The following SCNM1 variants were observed in gnomAD, a reference collection of about 807,000 sequenced individuals.
SCNM1 encodes sodium channel modifier 1.
SCNM1 carries 24 observed loss-of-function variants against 32.8 expected under a neutral mutation model. The observed-to-expected ratio is 0.73, with a 90% CI of 0.53 to 1.03. SCNM1 has a LOEUF of 1.03. Ranked by LOEUF, SCNM1 falls within the 50% of genes least tolerant of loss-of-function variation. The pLI is 0.00. For synonymous variants in SCNM1, 99 were observed against 103.2 expected, an observed-to-expected ratio of 0.96 and a Z score of 0.25; for missense variants, 274 against 282.3, an observed-to-expected ratio of 0.97 and a Z score of 0.21.
chr1:151,166,597 C>T, intron 2 of SCNM1, 56 bp downstream of exon 2: 1 of 1,320,016 alleles, frequency 7.6e-7, no homozygotes, highest in Admixed American at 2.4e-5. Flanking sequence ...GCTCAATAGA[C>T]TTTTTTTTTT....
At chr1:151,166,603 T>G in intron 2 of SCNM1, 62 bp downstream of exon 2, 7 of 1,568,930 alleles carry the variant, frequency 4.5e-6, no homozygotes, top group Non-Finnish European at 6.0e-6. Context: ...TAGACTTTTT[T>G]TTTTTTTTCC....
In SCNM1 at chr1:151,168,172, C is replaced by G; in HGVS notation, c.427C>G (p.Leu143Val). 2 of 1,613,986 alleles carry G rather than the reference C, an allele frequency of 1.2e-6. No homozygotes were observed. Among genetic ancestry groups the G allele is most frequent in the Non-Finnish European group, 1.7e-6 (2 of 1,179,928 alleles). ...AGAAGCCCCTGGTCCCTCTGTCTCC[C>G]TTTCCCCTATGCCACCCTCAGAGGT... ...RPEAPGPSVS[L>V]SPMPPSEVKL... is the part of the protein sequence containing the mutation. Residue 143 changes from leucine to valine, a missense_variant, in exon 6 of 7, where the codon CTT (leucine) becomes GTT (valine). Transcript: ENST00000368905.
Position 151,170,142 on chromosome 1 carries a change from G to A in SCNM1, c.*1057G>A. The A allele has an allele frequency of 1.2e-6, 2 of 1,613,578 alleles. No homozygotes were observed. Among genetic ancestry groups the A allele is most frequent in the Non-Finnish European group, 1.7e-6 (2 of 1,179,594 alleles). On this transcript the variant is annotated 3_prime_UTR_variant, in exon 7 of 7. Coordinates refer to ENST00000368905, the MANE Select transcript of SCNM1 (RefSeq NM_024041.4). ...ATATTAAACATAAGTGTTTGTTCCA[G>A]CTCCTGCTTTCTGCAAAGGCACTCT... is the stretch of plus-strand genomic sequence containing the variant.
At chr1:151,166,725 C>A (rs920498909) in intron 2 of SCNM1, 184 bp downstream of exon 2, 3 of 1,233,248 alleles carry the variant, frequency 2.4e-6, no homozygotes, top group Admixed American at 5.4e-5. Context: ...CATGCCACCA[C>A]GCCTGGCTTC....
rs1683791696 is a variant in SCNM1 at position 151,168,079 on chromosome 1, T to C, written c.399-65T>C. The C allele has an allele frequency of 3.0e-5, 45 of 1,481,938 alleles. 1 individual carries two copies. Among genetic ancestry groups the C allele is most frequent in the Admixed American group, 6.8e-5 (3 of 44,428 alleles). 91.8% of individuals were successfully genotyped at this position (1,481,938 alleles called of 1,614,324 possible). A position where few individuals can be genotyped will look rare whatever the true frequency, so the allele number is the denominator to read the frequency against. On this transcript the variant is annotated intron_variant, in intron 5 of 6. Coordinates refer to ENST00000368905, the MANE Select transcript of SCNM1 (RefSeq NM_024041.4). The stretch of plus-strand genomic sequence containing the variant: ...GTTTAAGAAGCACTGTTTTAAGAGG[T>C]TGGGAGTCATAGGAGAGTTGGCCCT...
Position 151,168,993 on chromosome 1 carries a change from T to C in SCNM1, c.601T>C (p.Trp201Arg). 1 of 1,613,970 alleles carries C rather than the reference T, an allele frequency of 6.2e-7. No individual in the cohort carries two copies. Among genetic ancestry groups the C allele is most frequent in the East Asian group, 2.2e-5 (1 of 44,886 alleles). The change falls in exon 7 of 7, where the codon TGG becomes CGG. Residue 201 changes from tryptophan to arginine, a missense_variant. By Grantham distance (101) the Trp-to-Arg change is moderately radical. Coordinates refer to ENST00000368905, the MANE Select transcript of SCNM1 (RefSeq NM_024041.4). ...DHYLTLRSSG[W>R]IPDGRGRWVK... ...TTTCTCTGATGTTTCCAGCTCTGGA[T>C]GGATCCCAGATGGACGAGGTCGATG...
Position 151,167,139 on chromosome 1 carries a change from G to T in SCNM1, c.230G>T (p.Gly77Val), listed in dbSNP as rs145306971. The T allele has an allele frequency of 6.2e-7, 1 of 1,614,174 alleles. No individual in the cohort carries two copies. Among genetic ancestry groups the T allele is most frequent in the Admixed American group, 1.7e-5 (1 of 60,010 alleles). The change falls in exon 4 of 7, where the codon GGC becomes GTC. Residue 77 changes from glycine (G) to valine (V), a missense_variant. By Grantham distance (109) the Gly-to-Val change is moderately radical. Transcript: ENST00000368905. ...TCCTCAGGCTTGCAGCTTTTCTATG[G>T]CAAGAAGCAGCCGGGAAAGGAAAGA... ...KHLSSLQLFYGKKQPGKERKQ... is the reference protein window; with the variant it reads ...KHLSSLQLFYVKKQPGKERKQ...
chr1:151,168,663 T>A (rs1289113033), intron 6 of SCNM1, among the ~76,000 whole-genome samples: 6 of 151,088 alleles, frequency 4.0e-5, no homozygotes, highest in Admixed American at 3.3e-4. Context: ...CTGCCTCAGT[T>A]TCCTAAAGTG....
At position 151,169,844 on chromosome 1, in the gene SCNM1, C is replaced by G. The variant is rs1683889458; in HGVS notation, c.*759C>G. The stretch of plus-strand genomic sequence containing the variant: ...TTATGGGGAACACCAAGGGAGGGAA[C>G]ACCCCCACCTCCTCCTAGTAACCTG... On this transcript the variant is annotated 3_prime_UTR_variant, in exon 7 of 7. Coordinates refer to ENST00000368905, the MANE Select transcript of SCNM1 (RefSeq NM_024041.4). 3 of 544,834 alleles carry G rather than the reference C, an allele frequency of 5.5e-6. 1 individual carries two copies. In the South Asian group the frequency reaches 6.3e-5, roughly 11 times the overall value. 33.7% of individuals were successfully genotyped at this position (544,834 alleles called of 1,614,324 possible).
At position 151,167,035 on chromosome 1, in the gene SCNM1, G is replaced by A; in HGVS notation, c.211+13G>A. On this transcript the variant is annotated intron_variant, in intron 3 of 6. Coordinates refer to ENST00000368905, the MANE Select transcript of SCNM1 (RefSeq NM_024041.4). Reference sequence around the variant, plus strand: ...AAACATCTGTCCAGTAAGTTAGGGGGAAGACGGGATGGGGAATAAACCCTC... The same window carrying A: ...AAACATCTGTCCAGTAAGTTAGGGGAAAGACGGGATGGGGAATAAACCCTC... 1 of 1,614,176 alleles carries A rather than the reference G, an allele frequency of 6.2e-7. No homozygotes were observed. The highest frequency in any genetic ancestry group is 8.5e-7 in the Non-Finnish European group (1 of 1,180,032).
rs944680085 is a variant in SCNM1, at chr1:151,167,188, T to C, written c.279T>C (p.Asn93=). The change falls in exon 4 of 7, where the codon AAT becomes AAC. Residue 93 remains asparagine, a synonymous_variant. Transcript: ENST00000368905. ...KERKQNPKHQ[N]ELRREETKAE... ...GAAAGCAGAATCCAAAACATCAGAA[T>C]GAATTGAGAAGGGAAGAAACCAAAG... 3.1e-6 allele frequency: 5 copies of C among 1,614,098 alleles called. No individual in the cohort carries two copies. The East Asian group carries it at 1.1e-4, about 36-fold the overall frequency.
intron 5 of SCNM1, chr1:151,167,900 G>A (rs768808433): frequency 6.2e-5 from 26 of 420,298 alleles, no homozygotes; most frequent in Non-Finnish European, 1.0e-4. Context: ...TTGGGAAATG[G>A]CACTTTGTAA....
rs1683850859 is a variant in SCNM1, at chr1:151,168,966, A to AT, written c.594-16dup. On this transcript the variant is annotated intron_variant, in intron 6 of 6. Coordinates refer to ENST00000368905, the MANE Select transcript of SCNM1 (RefSeq NM_024041.4). ...ATAAGCCTCTTTCCTGATCGATGCT[A>AT]TTTTCTCTGATGTTTCCAGCTCTGG... The AT allele has an allele frequency of 6.2e-7, 1 of 1,613,322 alleles. No homozygotes were observed.
intron 5 of SCNM1, chr1:151,167,876 T>C (rs1382271639): frequency 2.6e-6 from 1 of 377,688 alleles, no homozygotes; most frequent in African/African-American, 2.1e-5. Flanking sequence ...AATTTTGTGA[T>C]TTTTAAATAA....
Position 151,166,947 on chromosome 1 carries a change from A to G in SCNM1, c.136A>G (p.Ile46Val), listed in dbSNP as rs1233210510. 6.2e-7 allele frequency: 1 copy of G among 1,614,070 alleles called. No homozygotes were observed. The highest frequency in any genetic ancestry group is 8.5e-7 in the Non-Finnish European group (1 of 1,180,006). ...ACCCCTGCTCAGCTTTGCTTGTGCC[A>G]TCTGCCCCCATCGACCGGTACTGGA... is the stretch of plus-strand genomic sequence containing the variant. ...MLRDGRFACA[I>V]CPHRPVLDTL... The change falls in exon 3 of 7, where the codon ATC (isoleucine) becomes GTC (valine). Residue 46 changes from isoleucine (I) to valine (V), a missense_variant. Ile to Val is a conservative substitution (Grantham distance 29). Transcript: ENST00000368905.
At chr1:151,166,379 T>C (rs1421797829) in intron 1 of SCNM1, 92 bp from the exon 2 acceptor site, 3 of 1,571,620 alleles carry the variant, frequency 1.9e-6, no homozygotes, top group Admixed American at 3.8e-5. Flanking sequence ...AGGGTCCTTA[T>C]TCCATTTCAC....
Position 151,170,256 on chromosome 1 carries a change from A to G in SCNM1, c.*1171A>G. ...CATCCCACATTAACAAAACAAAACA[A>G]GAAACCACACCACAAATAAAATTAC... On this transcript the variant is annotated 3_prime_UTR_variant, in exon 7 of 7. Transcript: ENST00000368905. 1 of 918,992 alleles carries G rather than the reference A, an allele frequency of 1.1e-6. No homozygotes were observed. The allele number at this position is 918,992 out of a possible 1,614,324, so 56.9% of individuals were successfully genotyped here. A position where few individuals can be genotyped will look rare whatever the true frequency, so the allele number is the denominator to read the frequency against.
At position 151,169,178 on chromosome 1, in the gene SCNM1, C is replaced by T; in HGVS notation, c.*93C>T. ...GGTTCCTTGTTGGATCTCAGGATTT[C>T]AGATCTGTTCATTCTCATTCCAACT... is the stretch of plus-strand genomic sequence containing the variant. On this transcript the variant is annotated 3_prime_UTR_variant, in exon 7 of 7. Transcript: ENST00000368905. 7.1e-7 allele frequency: 1 copy of T among 1,411,578 alleles called. No homozygotes were observed. Among genetic ancestry groups the T allele is most frequent in the Non-Finnish European group, 9.8e-7 (1 of 1,019,950 alleles). The allele number at this position is 1,411,578 out of a possible 1,614,324, so 87.4% of individuals were successfully genotyped here.
Position 151,167,014 on chromosome 1 carries a change from A to G in SCNM1, c.203A>G (p.His68Arg). Residue 68 changes from histidine (H) to arginine (R), a missense_variant, in exon 3 of 7, where the codon CAT (histidine) becomes CGT (arginine). By Grantham distance (29) the His-to-Arg change is conservative. Coordinates refer to ENST00000368905, the MANE Select transcript of SCNM1 (RefSeq NM_024041.4). Reference sequence around the variant, plus strand: ...ACTGCCCACCGTGCAGGCAAGAAACATCTGTCCAGTAAGTTAGGGGGAAGA... The same window carrying G: ...ACTGCCCACCGTGCAGGCAAGAAACGTCTGTCCAGTAAGTTAGGGGGAAGA... Reference protein sequence around the residue: ...MLTAHRAGKKHLSSLQLFYGK... With the variant: ...MLTAHRAGKKRLSSLQLFYGK... The G allele has an allele frequency of 6.2e-7, 1 of 1,614,164 alleles. No individual in the cohort carries two copies. The highest frequency in any genetic ancestry group is 1.7e-5 in the Admixed American group (1 of 60,012).
Sources: allele counts gnomAD v4.1 joint callset (sites outside exome capture counted in the v4.1 genomes callset), GRCh38; gene constraint gnomAD v4.1.1; transcripts MANE v1.5; gene names NCBI Gene and HGNC (gene_info 2026-07-23, HGNC 2026-07-21).